Variants in SLC36A4 observed in about 807,000 individuals in gnomAD.
SLC36A4 encodes the protein neutral amino acid uniporter 4.
In SLC36A4, 49 loss-of-function variants were observed where a neutral mutation model predicts 50.5. The ratio of observed to expected loss-of-function variants is 0.97; its 90% confidence interval spans 0.77 to 1.23. The LOEUF is 1.23. Among genes scored for constraint, SLC36A4 ranks in the 50% most tolerant of loss-of-function variants. The pLI is 0.00. For synonymous variants in SLC36A4, 207 were observed against 206.5 expected (o/e 1.00, Z -0.02); for missense variants, 611 against 608.4 (o/e 1.00, Z -0.05).
In SLC36A4 at chr11:93,180,062, C is replaced by A. The variant is rs116076734; in HGVS notation, c.540+735G>T. 4 of 940,678 alleles carry A rather than the reference C, an allele frequency of 4.3e-6. No individual in the cohort carries two copies. The African/African-American group carries it at 7.1e-5, about 17-fold the overall frequency. The allele number at this position is 940,678 out of a possible 1,614,324, so 58.3% of individuals were successfully genotyped here. A position where few individuals can be genotyped will look rare whatever the true frequency, so the allele number is the denominator to read the frequency against. ...TGCATAAAAATATCTACAAGACAAT[C>A]CTATATATTACTATGTAAAATGTTT... On this transcript the variant is annotated intron_variant, in intron 6 of 10. Coordinates refer to ENST00000326402, the MANE Select transcript of SLC36A4 (RefSeq NM_152313.4).
At chr11:93,169,006 C>A (rs146898824) in intron 6 of SLC36A4, among the ~76,000 whole-genome samples, 3 of 151,998 alleles carry the variant, frequency 2.0e-5, no homozygotes, top group Admixed American at 6.6e-5. Context: ...ATAGCAGATG[C>A]AGATAATACT....
chr11:93,170,132 C>T (rs1345750837), intron 6 of SLC36A4: 1 of 151,956 alleles, frequency 6.6e-6, no homozygotes, highest in Admixed American at 6.6e-5. Context: ...TTCAGGTAAA[C>T]ATTTGAGTCC....
chr11:93,158,715 G>A (rs996683508), intron 9 of SLC36A4, among the ~76,000 whole-genome samples: 1 of 152,106 alleles, frequency 6.6e-6, no homozygotes. Context: ...TACAACTTTT[G>A]TATAGCTATT....
In SLC36A4 at chr11:93,148,369, G is replaced by A. The variant is rs1407669906; in HGVS notation, c.*168C>T. ...CACTTAAAAGCAAGGATTTTTCATA[G>A]GTTTACCACTACTGGTAAAGAGTTA... On this transcript the variant is annotated 3_prime_UTR_variant, in exon 11 of 11. Coordinates refer to ENST00000326402, the MANE Select transcript of SLC36A4 (RefSeq NM_152313.4). The A allele has an allele frequency of 3.4e-6, 2 of 593,956 alleles. No homozygotes were observed. The highest frequency in any genetic ancestry group is 3.9e-5 in the African/African-American group (2 of 51,662). The allele number at this position is 593,956 out of a possible 1,614,324, so 36.8% of individuals were successfully genotyped here.
chr11:93,179,121 A>C (rs1041594322), intron 6 of SLC36A4, among the ~76,000 whole-genome samples: 1 of 152,212 alleles, frequency 6.6e-6, no homozygotes, highest in Admixed American at 6.5e-5. Flanking sequence ...AATCAAACAA[A>C]AGGATTAAAC....
chr11:93,148,959 T>C (rs1326261529), intron 10 of SLC36A4, 115 bp from the exon 11 acceptor site: 2 of 1,089,886 alleles, frequency 1.8e-6, no homozygotes, highest in East Asian at 5.2e-5. Flanking sequence ...TAATGAAAGT[T>C]GAACTACTAA....
Position 93,146,083 on chromosome 11 carries a change from T to C in SLC36A4, c.*2454A>G, listed in dbSNP as rs2058500867. On this transcript the variant is annotated 3_prime_UTR_variant, in exon 11 of 11. Coordinates refer to ENST00000326402, the MANE Select transcript of SLC36A4 (RefSeq NM_152313.4). ...ATCATTTATTGAATTTAGTACTGGA[T>C]GTTGATTCACCATTCTTATTGCTAA... The C allele has an allele frequency of 6.6e-6, 1 of 152,074 alleles. No individual in the cohort carries two copies. Among genetic ancestry groups the C allele is most frequent in the Non-Finnish European group, 1.5e-5 (1 of 67,978 alleles). 9.4% of individuals were successfully genotyped at this position (152,074 alleles called of 1,614,324 possible).
intron 10 of SLC36A4, 138 bp from the exon 11 acceptor site, chr11:93,148,982 GA>G: frequency 1.0e-6 from 1 of 962,218 alleles, no homozygotes; most frequent in Non-Finnish European, 1.5e-6. Context: ...TATTGCTTGT[GA>G]AAAAAATCTG....
chr11:93,153,862 A>C (rs1860220747), intron 10 of SLC36A4: 1 of 209,338 alleles, frequency 4.8e-6, no homozygotes, highest in Non-Finnish European at 9.3e-6. Flanking sequence ...CCAGTAATGT[A>C]ATTTTCAAAA....
At chr11:93,166,999 T>G (rs1433057859) in intron 7 of SLC36A4, 5 of 152,172 alleles carry the variant, frequency 3.3e-5, no homozygotes, top group African/African-American at 1.2e-4. Context: ...CTCACGCTGT[T>G]CCTTCTATTT....
In SLC36A4 at chr11:93,145,640, A is replaced by G. The variant is rs369120163; in HGVS notation, c.*2897T>C. The G allele has an allele frequency of 1.3e-5, 2 of 152,082 alleles. No individual in the cohort carries two copies. The highest frequency in any genetic ancestry group is 2.1e-4 in the South Asian group (1 of 4,830). 9.4% of individuals were successfully genotyped at this position (152,082 alleles called of 1,614,324 possible). A position where few individuals can be genotyped will look rare whatever the true frequency, so the allele number is the denominator to read the frequency against. On this transcript the variant is annotated 3_prime_UTR_variant, in exon 11 of 11. Transcript: ENST00000326402. ...TTCCTTTCTTTCCCCTCAGTAGCAG[A>G]AAAGTCTCTCAGGCAACTGATTAAC...
chr11:93,189,775 A>C (rs920138480), intron 1 of SLC36A4, among the ~76,000 whole-genome samples: 1 of 152,184 alleles, frequency 6.6e-6, no homozygotes, highest in Non-Finnish European at 1.5e-5. Context: ...TCACAGCAGT[A>C]AGGAAAGTAC....
chr11:93,155,819 A>C (rs1453947193), intron 9 of SLC36A4, among the ~76,000 whole-genome samples: 2 of 152,088 alleles, frequency 1.3e-5, no homozygotes, highest in African/African-American at 4.8e-5. Flanking sequence ...AAGTAAGAAT[A>C]TGTGGTATTT....
Position 93,162,821 on chromosome 11 carries a change from T to C in SLC36A4, c.922A>G (p.Asn308Asp). 1.9e-6 allele frequency: 3 copies of C among 1,613,890 alleles called. No individual in the cohort carries two copies. Among genetic ancestry groups the C allele is most frequent in the Non-Finnish European group, 2.5e-6 (3 of 1,179,928 alleles). ...KESKRFPQAL[N>D]IGMGIVTTLY... ...GTTGTAACAATCCCCATGCCAATAT[T>C]CAACGCTTGAGGGAAACGCTTTGAT... The change falls in exon 9 of 11, where the codon AAT (asparagine) becomes GAT (aspartate). Residue 308 changes from asparagine to aspartate, a missense_variant. Transcript: ENST00000326402.
chr11:93,169,560 A>G (rs10765590), intron 6 of SLC36A4, among the ~76,000 whole-genome samples: 143,374 of 152,164 alleles, frequency 0.94, 68,096 homozygotes, highest in Non-Finnish European at 1. Context: ...TCTACCATAC[A>G]CAATGTTTAG....
chr11:93,194,966 G>A (rs1862359101), intron 1 of SLC36A4, among the ~76,000 whole-genome samples: 1 of 152,012 alleles, frequency 6.6e-6, no homozygotes, highest in Non-Finnish European at 1.5e-5. Context: ...ATTTGTATTA[G>A]TTATCTATTG....
At chr11:93,159,346 A>G (rs1187588901) in intron 9 of SLC36A4, among the ~76,000 whole-genome samples, 1 of 152,180 alleles carries the variant, frequency 6.6e-6, no homozygotes, top group Non-Finnish European at 1.5e-5. Flanking sequence ...TTTTCCCCAC[A>G]TTGGCTAATA....
At chr11:93,179,739 A>C (rs576218198) in intron 6 of SLC36A4, among the ~76,000 whole-genome samples, 5 of 152,302 alleles carry the variant, frequency 3.3e-5, no homozygotes, top group Non-Finnish European at 7.4e-5. Flanking sequence ...GGATAGTCTA[A>C]ATCAGGGGTT....
intron 1 of SLC36A4, among the ~76,000 whole-genome samples, chr11:93,193,586 C>T (rs1039063836): frequency 6.6e-6 from 1 of 151,954 alleles, no homozygotes; most frequent in Non-Finnish European, 1.5e-5. Context: ...TATTATACAC[C>T]ATATATCTGA....
Sources: allele counts gnomAD v4.1 joint callset (sites outside exome capture counted in the v4.1 genomes callset), GRCh38; gene constraint gnomAD v4.1.1; transcripts MANE v1.5; gene names NCBI Gene and HGNC (gene_info 2026-07-23, HGNC 2026-07-21).